Variants in IL2RA observed in about 807,000 individuals in gnomAD.
The protein encoded by IL2RA is interleukin 2 receptor subunit alpha, also known as interleukin-2 receptor subunit alpha.
In IL2RA, 24 loss-of-function variants were observed where a neutral mutation model predicts 37.8. The observed-to-expected ratio is 0.63, with a 90% CI of 0.46 to 0.89. The LOEUF (loss-of-function observed/expected upper bound fraction) is 0.89, where lower values mean the gene tolerates loss of function less well. Among genes scored for constraint, IL2RA ranks in the 40% least tolerant of loss-of-function variants. The pLI is 0.00. For synonymous variants in IL2RA, 125 were observed against 114.6 expected (o/e 1.09, Z -0.58); for missense variants, 319 against 348.6 (o/e 0.92, Z 0.68).
At position 6,021,412 on chromosome 10, in the gene IL2RA, G is replaced by T; in HGVS notation, c.583+66C>A. 7.6e-7 allele frequency: 1 copy of T among 1,316,332 alleles called. No homozygotes were observed. The highest frequency in any genetic ancestry group is 1.1e-6 in the Non-Finnish European group (1 of 910,612). 81.5% of individuals were successfully genotyped at this position (1,316,332 alleles called of 1,614,324 possible). A position where few individuals can be genotyped will look rare whatever the true frequency, so the allele number is the denominator to read the frequency against. ...CTCTTGTCCAGCAGGAGTGGTCAGGGATTCCACTCTGGTCAGCCTGATGGA... is the reference window on the plus strand; with the variant it reads ...CTCTTGTCCAGCAGGAGTGGTCAGGTATTCCACTCTGGTCAGCCTGATGGA... On this transcript the variant is annotated intron_variant, in intron 4 of 7. Transcript: ENST00000379959. This position sits in a 1 kb window ranked among gnomAD's most constrained non-coding sequence, Gnocchi z 4.9.
Position 6,056,322 on chromosome 10 carries a change from A to C in IL2RA, c.64+5766T>G, listed in dbSNP as rs1482279671. Among the ~76,000 whole-genome samples the C allele has an allele frequency of 3.9e-5, 6 of 152,232 alleles. No homozygotes were observed. Among genetic ancestry groups the C allele is most frequent in the Non-Finnish European group, 8.8e-5 (6 of 68,034 alleles). The stretch of plus-strand genomic sequence containing the variant: ...GGATGGATGAAGGAATATCACTGAG[A>C]ATTCATGTAAAGATGTGCAGATGTG... On this transcript the variant is annotated intron_variant, in intron 1 of 7. Coordinates refer to ENST00000379959, the MANE Select transcript of IL2RA (RefSeq NM_000417.3). This position sits in a 1 kb window ranked among gnomAD's most constrained non-coding sequence, Gnocchi z 5.0.
At chr10:6,043,966 T>G (rs1449043005) in intron 1 of IL2RA, among the ~76,000 whole-genome samples, 1 of 152,254 alleles carries the variant, frequency 6.6e-6, no homozygotes, top group African/African-American at 2.4e-5. Context: ...AAGTGATTAG[T>G]TCAGGGCCTT....
Position 6,012,670 on chromosome 10 carries a change from C to A in IL2RA, c.*202G>T. 1.6e-6 allele frequency: 1 copy of A among 641,606 alleles called. No individual in the cohort carries two copies. Among genetic ancestry groups the A allele is most frequent in the Non-Finnish European group, 2.8e-6 (1 of 353,720 alleles). The allele number at this position is 641,606 out of a possible 1,614,324, so 39.7% of individuals were successfully genotyped here. On this transcript the variant is annotated 3_prime_UTR_variant, in exon 8 of 8. Transcript: ENST00000379959. This position sits in a 1 kb window ranked among gnomAD's most constrained non-coding sequence, Gnocchi z 4.8. The stretch of plus-strand genomic sequence containing the variant: ...TATTTAGAAGTGGGTAGCGCTCGCT[C>A]TCTGATGGGACTGAGCTGGCATAGA...
intron 1 of IL2RA, among the ~76,000 whole-genome samples, chr10:6,034,752 T>C (rs528240814): frequency 6.6e-6 from 1 of 152,330 alleles, no homozygotes; most frequent in Admixed American, 6.5e-5. Context: ...ACCCACTTCC[T>C]GCTTCTCCCA....
In IL2RA at chr10:6,011,887, C is replaced by T. The variant is rs1839196649; in HGVS notation, c.*985G>A. The T allele has an allele frequency of 6.6e-6, 1 of 152,420 alleles. No homozygotes were observed. The highest frequency in any genetic ancestry group is 6.5e-5 in the Admixed American group (1 of 15,294). 9.4% of individuals were successfully genotyped at this position (152,420 alleles called of 1,614,324 possible). A position where few individuals can be genotyped will look rare whatever the true frequency, so the allele number is the denominator to read the frequency against. The stretch of plus-strand genomic sequence containing the variant: ...TACGTTCTACCAGTGTGACCTCCAT[C>T]CCTTCTCCCTCTTCACTTCCTTCTT... On this transcript the variant is annotated 3_prime_UTR_variant, in exon 8 of 8. Transcript: ENST00000379959. This position sits in a 1 kb window ranked among gnomAD's most constrained non-coding sequence, Gnocchi z 5.2.
In IL2RA at chr10:6,029,431, C is replaced by T. The variant is rs1367946354; in HGVS notation, c.65-3406G>A. ...CCACCTGCCTCGGCCTCCCAAAGTG[C>T]TAGGATTACAGGAGTGAGACACTGT... On this transcript the variant is annotated intron_variant, in intron 1 of 7. Coordinates refer to ENST00000379959, the MANE Select transcript of IL2RA (RefSeq NM_000417.3). This position sits in a 1 kb window ranked among gnomAD's most constrained non-coding sequence, Gnocchi z 4.6. Among the ~76,000 whole-genome samples, 1 of 152,002 alleles carries T rather than the reference C, an allele frequency of 6.6e-6. No homozygotes were observed. Among genetic ancestry groups the T allele is most frequent in the African/African-American group, 2.4e-5 (1 of 41,378 alleles).
At chr10:6,034,770 T>C (rs1356790747) in intron 1 of IL2RA, among the ~76,000 whole-genome samples, 1 of 152,202 alleles carries the variant, frequency 6.6e-6, no homozygotes, top group Non-Finnish European at 1.5e-5. Context: ...CCAATGGGTC[T>C]TCTCAACATA....
chr10:6,031,169 A>C (rs1839568130), intron 1 of IL2RA, among the ~76,000 whole-genome samples: 1 of 151,924 alleles, frequency 6.6e-6, no homozygotes, highest in Non-Finnish European at 1.5e-5. Flanking sequence ...TAAGAGATAG[A>C]AACTTTCAGA....
intron 7 of IL2RA, among the ~76,000 whole-genome samples, chr10:6,016,077 G>C (rs12572859): frequency 0.022 from 3,294 of 152,286 alleles, 179 homozygotes; most frequent in East Asian, 0.18. Context: ...CAGAGCTCAG[G>C]TGTTGGAAAC....
intron 1 of IL2RA, among the ~76,000 whole-genome samples, chr10:6,031,119 A>G (rs1429959539): frequency 6.6e-6 from 1 of 152,080 alleles, no homozygotes; most frequent in Non-Finnish European, 1.5e-5. Context: ...CAACCCTATC[A>G]GTAATTACAT....
In IL2RA at chr10:6,048,017, C is replaced by A. The variant is rs1398941834; in HGVS notation, c.64+14071G>T. ...CTCAGTGGTGGAGCTAGGACTTGGA[C>A]CCAGGCAGCCTGACAAGTGCGTGCT... On this transcript the variant is annotated intron_variant, in intron 1 of 7. Coordinates refer to ENST00000379959, the MANE Select transcript of IL2RA (RefSeq NM_000417.3). The surrounding 1 kb of genome is among the most constrained non-coding windows in gnomAD (Gnocchi z 5.3). 6.6e-6 allele frequency among the ~76,000 whole-genome samples: 1 copy of A among 152,200 alleles called. No individual in the cohort carries two copies. The highest frequency in any genetic ancestry group is 2.4e-5 in the African/African-American group (1 of 41,462).
intron 1 of IL2RA, among the ~76,000 whole-genome samples, chr10:6,032,722 G>A (rs953112805): frequency 7.3e-5 from 11 of 150,436 alleles, no homozygotes; most frequent in African/African-American, 1.9e-4. Context: ...AAATGAAAAA[G>A]TAAATGATAG....
At position 6,021,111 on chromosome 10, in the gene IL2RA, G is replaced by A. The variant is rs1408759740; in HGVS notation, c.583+367C>T. ...CACCAGTAAGAGGAAAAATGTGTGAGTGGGAAACTGGACTTGCCCTTGGAG... is the reference window on the plus strand; with the variant it reads ...CACCAGTAAGAGGAAAAATGTGTGAATGGGAAACTGGACTTGCCCTTGGAG... On this transcript the variant is annotated intron_variant, in intron 4 of 7. Transcript: ENST00000379959. The surrounding 1 kb of genome is among the most constrained non-coding windows in gnomAD (Gnocchi z 4.9). Among the ~76,000 whole-genome samples the A allele has an allele frequency of 6.6e-6, 1 of 152,144 alleles. No individual in the cohort carries two copies. Among genetic ancestry groups the A allele is most frequent in the Non-Finnish European group, 1.5e-5 (1 of 68,036 alleles).
At position 6,020,952 on chromosome 10, in the gene IL2RA, T is replaced by C. The variant is rs6602368; in HGVS notation, c.583+526A>G. Among the ~76,000 whole-genome samples the C allele has an allele frequency of 0.43, 61,469 of 143,282 alleles. 13,009 individuals carry two copies. Among genetic ancestry groups the C allele is most frequent in the Admixed American group, 0.55 (8,073 of 14,738 alleles). The allele number at this position is 143,282 out of a possible 152,430, so 94.0% of individuals were successfully genotyped here. ...GAGTATGTGTGTGTGTGTGTGTGTG[T>C]GCGCGCATGTGCACTGAGTAAGTCC... On this transcript the variant is annotated intron_variant, in intron 4 of 7. Coordinates refer to ENST00000379959, the MANE Select transcript of IL2RA (RefSeq NM_000417.3). This position sits in a 1 kb window ranked among gnomAD's most constrained non-coding sequence, Gnocchi z 5.6.
chr10:6,061,356 A>G (rs1447283571), intron 1 of IL2RA, among the ~76,000 whole-genome samples: 2 of 152,202 alleles, frequency 1.3e-5, no homozygotes, highest in Non-Finnish European at 1.5e-5. Flanking sequence ...ACTGCACTCC[A>G]GTCTGGCTGA....
rs1839691191 is a variant in IL2RA at position 6,036,834 on chromosome 10, G to A, written c.65-10809C>T. 6.6e-6 allele frequency among the ~76,000 whole-genome samples: 1 copy of A among 152,176 alleles called. No individual in the cohort carries two copies. The highest frequency in any genetic ancestry group is 2.1e-4 in the South Asian group (1 of 4,838). On this transcript the variant is annotated intron_variant, in intron 1 of 7. Coordinates refer to ENST00000379959, the MANE Select transcript of IL2RA (RefSeq NM_000417.3). This position sits in a 1 kb window ranked among gnomAD's most constrained non-coding sequence, Gnocchi z 6.1. ...ACTGCTGAAGAAGAAGGATATCCCG[G>A]TTGGCTGCTCTAGAGCCGGCAGGAC...
At chr10:6,034,184 C>A (rs890025481) in intron 1 of IL2RA, among the ~76,000 whole-genome samples, 2 of 152,244 alleles carry the variant, frequency 1.3e-5, no homozygotes, top group East Asian at 3.9e-4. Flanking sequence ...AGAGGTCATG[C>A]GGGGACAAGG....
Position 6,043,729 on chromosome 10 carries a change from C to T in IL2RA, c.65-17704G>A, listed in dbSNP as rs549252406. Reference sequence around the variant, plus strand: ...CTGGGATTACAGGCATCAGCCATCACGCACGACAAGAGCATGTATTTAAAA... The same window carrying T: ...CTGGGATTACAGGCATCAGCCATCATGCACGACAAGAGCATGTATTTAAAA... On this transcript the variant is annotated intron_variant, in intron 1 of 7. Transcript: ENST00000379959. Among the ~76,000 whole-genome samples, 26 of 152,232 alleles carry T rather than the reference C, an allele frequency of 1.7e-4. No homozygotes were observed. The South Asian group carries it at 1.9e-3, about 11-fold the overall frequency.
At chr10:6,055,383 G>T (rs1840027453) in intron 1 of IL2RA, among the ~76,000 whole-genome samples, 1 of 151,632 alleles carries the variant, frequency 6.6e-6, no homozygotes, top group Non-Finnish European at 1.5e-5. Flanking sequence ...TCCCCAGAGA[G>T]TCCGCTTAAT....
Sources: gnomAD v4.1 joint callset for allele counts (sites outside exome capture counted in the v4.1 genomes callset) on GRCh38, gnomAD v4.1.1 for gene constraint, Gnocchi (gnomAD v3.1) non-coding constraint, MANE v1.5 for transcripts, NCBI Gene and HGNC (gene_info 2026-07-23, HGNC 2026-07-21) for gene names.